The following IGLL5 variants were observed in gnomAD, a reference collection of about 807,000 sequenced individuals.
The protein encoded by IGLL5 is immunoglobulin lambda like polypeptide 5, also known as immunoglobulin lambda-like polypeptide 5.
In IGLL5, 30 loss-of-function variants were observed where a neutral mutation model predicts 20.9. The observed-to-expected ratio is 1.44, with a 90% confidence interval of 1.07 to 1.95. The LOEUF (loss-of-function observed/expected upper bound fraction) is 1.95. IGLL5 is among the 30% of genes most tolerant of loss of function. The probability of loss-of-function intolerance (pLI) is 0.00; values close to 1 mark genes in which losing one functional copy is unlikely to be tolerated. For synonymous variants in IGLL5, 203 were observed against 117.3 expected (o/e 1.73, Z -4.72); for missense variants, 475 against 270.7 (o/e 1.75, Z -5.30).
intron 2 of IGLL5, among the ~76,000 whole-genome samples, chr22:22,894,440 A>G (rs78420353): frequency 4.6e-5 from 7 of 151,382 alleles, no homozygotes; most frequent in East Asian, 2.0e-4. Context: ...AGGTGCCAGA[A>G]TCCAACCCTC....
chr22:22,894,882 A>G (rs556625326), intron 2 of IGLL5, among the ~76,000 whole-genome samples: 4 of 151,326 alleles, frequency 2.6e-5, no homozygotes, highest in Middle Eastern at 3.8e-3. Context: ...GAGGGATAGG[A>G]AGCTCCAGTT....
chr22:22,890,504 T>C (rs2067803372), intron 1 of IGLL5, among the ~76,000 whole-genome samples: 1 of 146,712 alleles, frequency 6.8e-6, no homozygotes, highest in African/African-American at 2.5e-5. Context: ...TGAGCCAGAA[T>C]TTATTTCCAC....
chr22:22,890,146 C>G (rs527861067), intron 1 of IGLL5, among the ~76,000 whole-genome samples: 1 of 144,620 alleles, frequency 6.9e-6, no homozygotes, highest in African/African-American at 2.6e-5. Flanking sequence ...GACTTTTGTA[C>G]ATTACTCTTT....
intron 1 of IGLL5, among the ~76,000 whole-genome samples, chr22:22,890,076 C>T (rs2067773189): frequency 6.7e-6 from 1 of 148,316 alleles, no homozygotes. Flanking sequence ...ATTTTTAATA[C>T]AACAGTAATG....
rs545955063 is a variant in IGLL5, at chr22:22,893,784, T to C, written c.291T>C (p.Tyr97=). The C allele has an allele frequency of 1.9e-6, 3 of 1,610,438 alleles. No individual in the cohort carries two copies. In the South Asian group the frequency reaches 3.3e-5, roughly 18 times the overall value. Residue 97 remains tyrosine, a synonymous_variant, in exon 2 of 3, where the codon TAT becomes TAC. Coordinates refer to ENST00000526893, the MANE Select transcript of IGLL5 (RefSeq NM_001178126.2). The part of the protein sequence containing the change: ...GFWSEPQSLC[Y]VFGTGTKVTV... ...GGTCTGAGCCTCAGTCACTGTGTTATGTCTTCGGAACTGGGACCAAGGTCA... is the reference window on the plus strand; with the variant it reads ...GGTCTGAGCCTCAGTCACTGTGTTACGTCTTCGGAACTGGGACCAAGGTCA...
intron 2 of IGLL5, among the ~76,000 whole-genome samples, chr22:22,894,171 G>A (rs2067992263): frequency 4.0e-5 from 6 of 151,526 alleles, no homozygotes; most frequent in Middle Eastern, 3.7e-3. Context: ...TGGGGTCAAG[G>A]ACAGAGGCTG....
intron 1 of IGLL5, among the ~76,000 whole-genome samples, chr22:22,888,551 GGGAA>G (rs2067614354): frequency 6.6e-6 from 1 of 151,294 alleles, no homozygotes; most frequent in African/African-American, 2.4e-5. Flanking sequence ...CCTCTGGGTA[GGGAA>G]GGAACAGAGG....
chr22:22,893,716 A>G lies in IGLL5; in HGVS notation c.223A>G (p.Ser75Gly), dbSNP rs1569086113. 1.2e-5 allele frequency: 19 copies of G among 1,608,284 alleles called. No homozygotes were observed. Among genetic ancestry groups the G allele is most frequent in the Non-Finnish European group, 1.5e-5 (18 of 1,177,356 alleles). ...GCCCAGCAGGCTCCTGCTCCAGCCC[A>G]GCCCCCAGAGAGCAGACCCCAGGTG... The part of the protein sequence containing the change: ...SLWGRLLLQP[S>G]PQRADPRCWP... The change falls in exon 2 of 3, where the codon AGC becomes GGC. Residue 75 changes from serine to glycine, a missense_variant. Ser to Gly is a moderately conservative substitution (Grantham distance 56). Coordinates refer to ENST00000526893, the MANE Select transcript of IGLL5 (RefSeq NM_001178126.2).
At chr22:22,893,385 G>T (rs1407430463) in intron 1 of IGLL5, among the ~76,000 whole-genome samples, 2 of 151,124 alleles carry the variant, frequency 1.3e-5, no homozygotes, top group Non-Finnish European at 2.9e-5. Context: ...TTGTGTGGGG[G>T]ACTCAGAGGC....
chr22:22,889,265 T>C (rs570295309), intron 1 of IGLL5, among the ~76,000 whole-genome samples: 3 of 151,020 alleles, frequency 2.0e-5, no homozygotes, highest in East Asian at 2.0e-4. Context: ...AGGGGCCCAG[T>C]TTCCTATGAA....
Position 22,893,707 on chromosome 22 carries a change from C to T in IGLL5, c.214C>T (p.Leu72Phe), listed in dbSNP as rs2067921035. 9 of 1,605,220 alleles carry T rather than the reference C, an allele frequency of 5.6e-6. No individual in the cohort carries two copies. In the East Asian group the frequency reaches 6.8e-5, roughly 12 times the overall value. ...GCCCGTCATGCCCAGCAGGCTCCTG[C>T]TCCAGCCCAGCCCCCAGAGAGCAGA... ...SLRSLWGRLL[L>F]QPSPQRADPR... is the part of the protein sequence containing the mutation. The change falls in exon 2 of 3, where the codon CTC (leucine) becomes TTC (phenylalanine). Residue 72 changes from leucine to phenylalanine, a missense_variant. By Grantham distance (22) the Leu-to-Phe change is conservative. Transcript: ENST00000526893.
At position 22,895,361 on chromosome 22, in the gene IGLL5, C is replaced by A; in HGVS notation, c.326-14C>A. ...TCTGTCTGCCCTCTCTCACCCCCTT[C>A]CCTGTCCACACAGGTCAGCCCAAGG... On this transcript the variant is annotated splice_polypyrimidine_tract_variant and intron_variant, in intron 2 of 2. Transcript: ENST00000526893. The A allele has an allele frequency of 1.2e-6, 2 of 1,611,056 alleles. No homozygotes were observed. The highest frequency in any genetic ancestry group is 1.7e-6 in the Non-Finnish European group (2 of 1,178,188).
chr22:22,889,770 T>C (rs2067751832), intron 1 of IGLL5, among the ~76,000 whole-genome samples: 3 of 151,298 alleles, frequency 2.0e-5, no homozygotes, highest in South Asian at 2.1e-4. Context: ...ATTAGGATTA[T>C]TATTAGTTTA....
At chr22:22,894,828 A>G (rs1267049866) in intron 2 of IGLL5, among the ~76,000 whole-genome samples, 2 of 151,386 alleles carry the variant, frequency 1.3e-5, no homozygotes, top group South Asian at 2.1e-4. Context: ...ACTCCTTGCC[A>G]GGAGAGCCAA....
chr22:22,888,748 C>A (rs1201031627), intron 1 of IGLL5, among the ~76,000 whole-genome samples: 2 of 151,398 alleles, frequency 1.3e-5, no homozygotes, highest in Admixed American at 1.3e-4. Flanking sequence ...CCAACTTGCA[C>A]ATAAATGCTT....
rs184553832 is a variant in IGLL5 at position 22,888,396 on chromosome 22, A to G, written c.206+137A>G. 22 of 676,706 alleles carry G rather than the reference A, an allele frequency of 3.3e-5. 1 individual carries two copies. The highest frequency in any genetic ancestry group is 4.2e-4 in the Middle Eastern group (1 of 2,402). 41.9% of individuals were successfully genotyped at this position (676,706 alleles called of 1,614,324 possible). On this transcript the variant is annotated intron_variant, in intron 1 of 2. Coordinates refer to ENST00000526893, the MANE Select transcript of IGLL5 (RefSeq NM_001178126.2). ...GGCCTGGGCTGACACTGGCTTTAGT[A>G]ATGGGTTGATATTTTGTCCATCACA...
At chr22:22,894,442 C>A (rs534219181) in intron 2 of IGLL5, among the ~76,000 whole-genome samples, 1 of 151,468 alleles carries the variant, frequency 6.6e-6, no homozygotes, top group African/African-American at 2.4e-5. Context: ...GTGCCAGAAT[C>A]CAACCCTCCC....
rs1327280696 is a variant in IGLL5 at position 22,894,548 on chromosome 22, G to C, written c.325+730G>C. Among the ~76,000 whole-genome samples, 2 of 151,556 alleles carry C rather than the reference G, an allele frequency of 1.3e-5. 1 individual carries two copies. Among genetic ancestry groups the C allele is most frequent in the Non-Finnish European group, 2.9e-5 (2 of 67,900 alleles). ...TGGGGCCCAGTGTCTCTCTGTTCAC[G>C]GATCGGCCTCCTGCCTTCCTCAAAG... On this transcript the variant is annotated intron_variant, in intron 2 of 2. Transcript: ENST00000526893.
At chr22:22,888,304 A>C (rs979829951) in intron 1 of IGLL5, 45 bp downstream of exon 1, 7 of 1,530,036 alleles carry the variant, frequency 4.6e-6, no homozygotes, top group Middle Eastern at 2.3e-4. Context: ...CCTGCAGCAG[A>C]GCTGGGAAAG....
Sources: gnomAD v4.1 joint callset for allele counts (sites outside exome capture counted in the v4.1 genomes callset) on GRCh38, gnomAD v4.1.1 for gene constraint, MANE v1.5 for transcripts, NCBI Gene and HGNC (gene_info 2026-07-23, HGNC 2026-07-21) for gene names.